Variants in CALB1 observed in about 807,000 individuals in gnomAD.
The protein encoded by CALB1 is calbindin.
A neutral mutation model predicts 46.7 loss-of-function variants in CALB1; 16 were observed. The ratio of observed to expected loss-of-function variants is 0.34; its 90% confidence interval spans 0.23 to 0.52. The LOEUF is 0.52. Among genes scored for constraint, CALB1 ranks in the 20% least tolerant of loss-of-function variants. CALB1 has a pLI of 0.95. For synonymous variants in CALB1, 90 were observed against 112.8 expected (o/e 0.80, Z 1.28); for missense variants, 224 against 300.3 (o/e 0.75, Z 1.88).
intron 1 of CALB1, 132 bp downstream of exon 1, chr8:90,082,487 G>A (rs1160812629): frequency 7.9e-6 from 6 of 761,434 alleles, no homozygotes; most frequent in African/African-American, 3.5e-5. Flanking sequence ...AAGAAGATAA[G>A]ATTAGGCAGA....
At chr8:90,077,869 C>G (rs1272904179) in intron 3 of CALB1, among the ~76,000 whole-genome samples, 1 of 152,088 alleles carries the variant, frequency 6.6e-6, no homozygotes, top group Non-Finnish European at 1.5e-5. Flanking sequence ...GGCCAACTGT[C>G]AAACCAGGAT....
chr8:90,069,350 T>C, intron 3 of CALB1, 113 bp from the exon 4 acceptor site: 1 of 789,400 alleles, frequency 1.3e-6, no homozygotes, highest in Non-Finnish European at 2.2e-6. Context: ...GCTAGAAAAG[T>C]AGGAGAGGAA....
At chr8:90,066,064 G>A in intron 5 of CALB1, 89 bp from the exon 6 acceptor site, 1 of 834,432 alleles carries the variant, frequency 1.2e-6, no homozygotes, top group South Asian at 1.5e-5. Flanking sequence ...GACATACCAG[G>A]AATGCAAAGA....
At chr8:90,074,066 G>A (rs1435997322) in intron 3 of CALB1, among the ~76,000 whole-genome samples, 2 of 151,928 alleles carry the variant, frequency 1.3e-5, no homozygotes, top group South Asian at 4.2e-4. Flanking sequence ...TAGCCAGTGA[G>A]AAGTGAGTCC....
intron 6 of CALB1, 90 bp from the exon 7 acceptor site, chr8:90,063,551 T>C: frequency 9.3e-7 from 1 of 1,080,404 alleles, no homozygotes. Context: ...GTTTGAGTTA[T>C]CAACTACTTG....
At position 90,082,878 on chromosome 8, in the gene CALB1, C is replaced by G; in HGVS notation, c.-181G>C. 1 of 617,704 alleles carries G rather than the reference C, an allele frequency of 1.6e-6. No individual in the cohort carries two copies. The highest frequency in any genetic ancestry group is 2.8e-5 in the East Asian group (1 of 36,272). 38.3% of individuals were successfully genotyped at this position (617,704 alleles called of 1,614,324 possible). A position where few individuals can be genotyped will look rare whatever the true frequency, so the allele number is the denominator to read the frequency against. ...TCAGCGTTCCTCCAGAGTTCTCTCC[C>G]TACACCCCGCACCCAGTTCTCAGTA... On this transcript the variant is annotated 5_prime_UTR_variant, in exon 1 of 11. Coordinates refer to ENST00000265431, the MANE Select transcript of CALB1 (RefSeq NM_004929.4).
At chr8:90,075,964 T>C (rs1318562798) in intron 3 of CALB1, among the ~76,000 whole-genome samples, 1 of 152,198 alleles carries the variant, frequency 6.6e-6, no homozygotes, top group African/African-American at 2.4e-5. Flanking sequence ...GGACCTTGGA[T>C]ACATCATTCG....
chr8:90,063,654 G>A (rs1236410421), intron 6 of CALB1, 193 bp from the exon 7 acceptor site: 6 of 557,884 alleles, frequency 1.1e-5, no homozygotes, highest in Non-Finnish European at 1.9e-5. Context: ...GAGTTTATCA[G>A]GATAATATAG....
chr8:90,070,989 A>G (rs1242022277), intron 3 of CALB1, among the ~76,000 whole-genome samples: 1 of 152,070 alleles, frequency 6.6e-6, no homozygotes, highest in Non-Finnish European at 1.5e-5. Context: ...GAAATAACAT[A>G]ATTTAATTTA....
At chr8:90,061,377 A>T (rs1814294451) in intron 9 of CALB1, 1 of 152,190 alleles carries the variant, frequency 6.6e-6, no homozygotes. Context: ...CCAAATTCTG[A>T]AGAATCAAAT....
intron 3 of CALB1, among the ~76,000 whole-genome samples, chr8:90,075,113 A>T (rs1320625416): frequency 1.3e-5 from 2 of 152,166 alleles, no homozygotes; most frequent in Non-Finnish European, 2.9e-5. Context: ...GTGGATTTTT[A>T]AATCTATTTA....
chr8:90,082,275 CT>C, intron 1 of CALB1, 173 bp from the exon 2 acceptor site: 1 of 626,088 alleles, frequency 1.6e-6, no homozygotes, highest in Non-Finnish European at 2.8e-6. Flanking sequence ...GGGTATCAAA[CT>C]TTAGATCCAC....
chr8:90,063,754 T>C, intron 6 of CALB1: 1 of 278,982 alleles, frequency 3.6e-6, no homozygotes, highest in Non-Finnish European at 6.6e-6. Context: ...TGTATCAAGA[T>C]GTGGGAGGGA....
rs1237562413 is a variant in CALB1, at chr8:90,081,228, C to T, written c.156+798G>A. ...CTAATGGCTTAAATAACGAACATAG[C>T]CATTTTCAAAACACCATCAATTGCT... On this transcript the variant is annotated intron_variant, in intron 2 of 10. Coordinates refer to ENST00000265431, the MANE Select transcript of CALB1 (RefSeq NM_004929.4). Among the ~76,000 whole-genome samples, 5 of 152,150 alleles carry T rather than the reference C, an allele frequency of 3.3e-5. No individual in the cohort carries two copies. In the East Asian group the frequency reaches 9.6e-4, roughly 29 times the overall value.
chr8:90,060,529 A>G, intron 10 of CALB1, 100 bp downstream of exon 10: 2 of 950,834 alleles, frequency 2.1e-6, no homozygotes, highest in South Asian at 2.9e-5. Flanking sequence ...CTGCTCCTCT[A>G]TAAATTGTTA....
chr8:90,059,137 A>G lies in CALB1; in HGVS notation c.*1036T>C, dbSNP rs1814250825. ...ACTATTTGCAGATAGAAATAGAACT[A>G]TTTTGAATGCTGATCTCAATATGAA... On this transcript the variant is annotated 3_prime_UTR_variant, in exon 11 of 11. Coordinates refer to ENST00000265431, the MANE Select transcript of CALB1 (RefSeq NM_004929.4). The G allele has an allele frequency of 6.6e-6, 1 of 152,566 alleles. No homozygotes were observed. The highest frequency in any genetic ancestry group is 6.5e-5 in the Admixed American group (1 of 15,288). The allele number at this position is 152,566 out of a possible 1,614,324, so 9.5% of individuals were successfully genotyped here.
At chr8:90,061,589 G>C (rs1371305090) in intron 9 of CALB1, 3 of 151,940 alleles carry the variant, frequency 2.0e-5, no homozygotes, top group Non-Finnish European at 4.4e-5. Context: ...ATCTGAAATG[G>C]AAATTAGAAA....
At chr8:90,076,689 T>G (rs1421180008) in intron 3 of CALB1, among the ~76,000 whole-genome samples, 1 of 151,972 alleles carries the variant, frequency 6.6e-6, no homozygotes, top group African/African-American at 2.4e-5. Flanking sequence ...CAGTTCCTTA[T>G]CTAAAACTTC....
At chr8:90,065,768 A>G in intron 6 of CALB1, 130 bp downstream of exon 6, 1 of 623,238 alleles carries the variant, frequency 1.6e-6, no homozygotes, top group South Asian at 2.0e-5. Flanking sequence ...TTCAAATGAA[A>G]TGATACCTAT....
Sources: gnomAD v4.1 joint callset for allele counts (sites outside exome capture counted in the v4.1 genomes callset) on GRCh38, gnomAD v4.1.1 for gene constraint, MANE v1.5 for transcripts, NCBI Gene and HGNC (gene_info 2026-07-23, HGNC 2026-07-21) for gene names.